Variants in ARHGEF2 observed in about 807,000 individuals in gnomAD.
ARHGEF2 encodes Rho/Rac guanine nucleotide exchange factor 2, also known as rho guanine nucleotide exchange factor 2.
In ARHGEF2, 22 loss-of-function variants were observed where a neutral mutation model predicts 121.0. The ratio of observed to expected loss-of-function variants is 0.18; its 90% CI spans 0.13 to 0.26. ARHGEF2 has a LOEUF of 0.26. Among genes scored for constraint, ARHGEF2 ranks in the 10% least tolerant of loss-of-function variants. The probability of loss-of-function intolerance (pLI) is 1.00; values close to 1 mark genes in which losing one functional copy is unlikely to be tolerated. For synonymous variants in ARHGEF2, 487 were observed against 530.0 expected (o/e 0.92, Z 1.11); for missense variants, 907 against 1,336.0 (o/e 0.68, Z 5.01).
chr1:155,954,809 C>A, intron 14 of ARHGEF2, 93 bp downstream of exon 14: 2 of 1,237,186 alleles, frequency 1.6e-6, no homozygotes, highest in South Asian at 2.7e-5. Context: ...CACCAGCCCT[C>A]ATAGAGCCAT....
intron 1 of ARHGEF2, among the ~76,000 whole-genome samples, chr1:155,976,320 CCA>C (rs1302971226): frequency 1.3e-5 from 2 of 151,808 alleles, no homozygotes; most frequent in African/African-American, 2.4e-5. Flanking sequence ...CCTTCTGTAA[CCA>C]CAGTTTTCCG....
At chr1:155,979,062 G>C (rs1681868800), upstream of ARHGEF2, 3 of 985,794 alleles carry the variant, frequency 3.0e-6, no homozygotes, top group Non-Finnish European at 3.6e-6. Flanking sequence ...GGGGTGGCCA[G>C]AGGGAGAGGA....
At chr1:155,964,019 C>A (rs1678536894) in intron 7 of ARHGEF2, among the ~76,000 whole-genome samples, 1 of 150,528 alleles carries the variant, frequency 6.6e-6, no homozygotes, top group South Asian at 2.1e-4. Context: ...GTTGTAGGCG[C>A]CTGTAATCCC....
At chr1:155,952,322 G>A in intron 15 of ARHGEF2, 87 bp from the exon 16 acceptor site, 4 of 1,561,584 alleles carry the variant, frequency 2.6e-6, no homozygotes, top group Middle Eastern at 2.3e-4. Flanking sequence ...GGACACTTGG[G>A]CATCTGGGGG....
rs1183998665 is a variant in ARHGEF2 at position 155,957,762 on chromosome 1, G to A, written c.1666C>T (p.Arg556Trp). 1 of 1,614,090 alleles carries A rather than the reference G, an allele frequency of 6.2e-7. No individual in the cohort carries two copies. Among genetic ancestry groups the A allele is most frequent in the Non-Finnish European group, 8.5e-7 (1 of 1,180,008 alleles). ...CGGATCCAGGTGCTCCGGTCATCCCGGGATGCTGTGTGCACCTCGTACATC... is the reference window on the plus strand; with the variant it reads ...CGGATCCAGGTGCTCCGGTCATCCCAGGATGCTGTGTGCACCTCGTACATC... ...PEMYEVHTAS[R>W]DDRSTWIRVI... The change falls in exon 13 of 22, where the codon CGG becomes TGG. Residue 556 changes from arginine (R) to tryptophan (W), a missense_variant. Around this residue, in one of 2 missense-constraint regions of ARHGEF2, gnomAD observed 475 missense variants for 776.5 expected, o/e 0.61. Transcript: ENST00000361247.
chr1:155,956,595 C>T (rs940590435), intron 13 of ARHGEF2, among the ~76,000 whole-genome samples: 7 of 151,430 alleles, frequency 4.6e-5, no homozygotes, highest in South Asian at 2.1e-4. Flanking sequence ...CTGAGGTGGG[C>T]GGATAAATCT....
rs968797037 is a variant in ARHGEF2 at position 155,965,747 on chromosome 1, C to A, written c.354G>T (p.Glu118Asp). ...VSLRSKTTIRERPSSAIYPSD... is the reference protein window; with the variant it reads ...VSLRSKTTIRDRPSSAIYPSD... ...AGGGGTAGATGGCCGAGCTTGGCCG[C>A]TCCCGGATGGTTGCTGTGGGGGAGA... Residue 118 changes from glutamate to aspartate, a missense_variant, in exon 5 of 22, where the codon GAG becomes GAT. By Grantham distance (45) the Glu-to-Asp change is conservative (BLOSUM62 2). Transcript: ENST00000361247. The surrounding 1 kb of genome is among the most constrained non-coding windows in gnomAD (Gnocchi z 6.0). 12 of 1,597,526 alleles carry A rather than the reference C, an allele frequency of 7.5e-6. No individual in the cohort carries two copies. The highest frequency in any genetic ancestry group is 1.0e-5 in the Non-Finnish European group (12 of 1,176,122).
At chr1:155,970,020 C>CT in intron 1 of ARHGEF2, 1 of 985,388 alleles carries the variant, frequency 1.0e-6, no homozygotes, top group Non-Finnish European at 1.2e-6. Context: ...ACTCTGGGAT[C>CT]TTTAAGTAAG....
chr1:155,951,858 C>T lies in ARHGEF2; in HGVS notation c.2172+61G>A, dbSNP rs1407784725. 7.4e-6 allele frequency: 12 copies of T among 1,612,468 alleles called. No homozygotes were observed. Among genetic ancestry groups the T allele is most frequent in the Middle Eastern group, 1.6e-4 (1 of 6,084 alleles). ...CCCTGACAGCTTTGTGTTGAGGATC[C>T]AGAGGCTGGCTGTCCCTCTCCCACC... On this transcript the variant is annotated intron_variant, in intron 17 of 21. Coordinates refer to ENST00000361247, the MANE Select transcript of ARHGEF2 (RefSeq NM_001162383.2). The surrounding 1 kb of genome is among the most constrained non-coding windows in gnomAD (Gnocchi z 5.1).
chr1:155,950,257 G>A lies in ARHGEF2; in HGVS notation c.2887+42C>T, dbSNP rs1453746817. ...CCACAGCCCAATGGCCTGTACCCAG[G>A]CTGCACTCTACCTCTGGTCCATGTC... On this transcript the variant is annotated intron_variant, in intron 21 of 21. Coordinates refer to ENST00000361247, the MANE Select transcript of ARHGEF2 (RefSeq NM_001162383.2). The surrounding 1 kb of genome is among the most constrained non-coding windows in gnomAD (Gnocchi z 5.2). The A allele has an allele frequency of 6.2e-7, 1 of 1,604,386 alleles. No homozygotes were observed. Among genetic ancestry groups the A allele is most frequent in the Non-Finnish European group, 8.5e-7 (1 of 1,177,980 alleles).
intron 3 of ARHGEF2, 96 bp downstream of exon 3, chr1:155,966,724 T>G: frequency 7.3e-7 from 1 of 1,363,076 alleles, no homozygotes; most frequent in Non-Finnish European, 1.0e-6. Context: ...AGGTGGGTGG[T>G]GAGAAACACA....
chr1:155,957,941 G>A, intron 12 of ARHGEF2, 59 bp from the exon 13 acceptor site: 1 of 1,548,132 alleles, frequency 6.5e-7, no homozygotes, highest in Non-Finnish European at 8.8e-7. Context: ...GGCATATTTA[G>A]GCCTTCAATC....
intron 1 of ARHGEF2, among the ~76,000 whole-genome samples, chr1:155,975,883 G>C (rs1224433668): frequency 6.6e-6 from 1 of 152,170 alleles, no homozygotes; most frequent in African/African-American, 2.4e-5. Context: ...AAGAGAGAAA[G>C]GGGACCTGTG....
Position 155,952,660 on chromosome 1 carries a change from C to A in ARHGEF2, c.1952G>T (p.Gly651Val). Residue 651 changes from glycine (G) to valine (V), a missense_variant, in exon 15 of 22, where the codon GGC becomes GTC. Physicochemically the swap from Gly to Val is moderately radical, Grantham distance 109. Coordinates refer to ENST00000361247, the MANE Select transcript of ARHGEF2 (RefSeq NM_001162383.2). ...FRSESLESPR[G>V]ERLLQDAIRE... ...GATGGCATCCTGCAGCAGCCGCTCG[C>A]CACGAGGGGACTCAAGGGACTCAGA... The A allele has an allele frequency of 6.2e-7, 1 of 1,613,574 alleles. No individual in the cohort carries two copies. The highest frequency in any genetic ancestry group is 8.5e-7 in the Non-Finnish European group (1 of 1,179,500).
At position 155,961,704 on chromosome 1, in the gene ARHGEF2, G is replaced by A. The variant is rs750694300; in HGVS notation, c.1425C>T (p.His475=). 5.6e-6 allele frequency: 9 copies of A among 1,613,812 alleles called. No homozygotes were observed. In the East Asian group the frequency reaches 6.7e-5, roughly 12 times the overall value. ...CTGTCTTCCAGAGCAGGCAGCCATC[G>A]TGGATGAGTTTGCGCCTCAGAAGTT... The part of the protein sequence containing the change: ...REELLRRKLI[H]DGCLLWKTAT... Residue 475 remains histidine (H), a synonymous_variant, in exon 11 of 22, where the codon CAC becomes CAT. Coordinates refer to ENST00000361247, the MANE Select transcript of ARHGEF2 (RefSeq NM_001162383.2). This position sits in a 1 kb window ranked among gnomAD's most constrained non-coding sequence, Gnocchi z 4.7.
At position 155,964,182 on chromosome 1, in the gene ARHGEF2, A is replaced by ATG. The variant is rs1553245021; in HGVS notation, c.724+805_724+806insCA. Among the ~76,000 whole-genome samples the ATG allele has an allele frequency of 1.8e-3, 218 of 118,448 alleles. 2 individuals carry two copies. Among genetic ancestry groups the ATG allele is most frequent in the African/African-American group, 4.5e-3 (129 of 28,914 alleles). The allele number at this position is 118,448 out of a possible 152,430, so 77.7% of individuals were successfully genotyped here. A position where few individuals can be genotyped will look rare whatever the true frequency, so the allele number is the denominator to read the frequency against. ...AAAAAAAAAAAATATATATATATAT[A>ATG]TATATATATATATATACATATATAT... On this transcript the variant is annotated intron_variant, in intron 7 of 21. Transcript: ENST00000361247.
intron 14 of ARHGEF2, among the ~76,000 whole-genome samples, chr1:155,954,071 C>T (rs1047326998): frequency 6.6e-6 from 1 of 150,970 alleles, no homozygotes; most frequent in African/African-American, 2.4e-5. Flanking sequence ...AAACAATCCG[C>T]CCACCTCAGC....
Position 155,947,885 on chromosome 1 carries a change from G to A in ARHGEF2, c.*57C>T. 1 of 1,106,008 alleles carries A rather than the reference G, an allele frequency of 9.0e-7. No individual in the cohort carries two copies. The highest frequency in any genetic ancestry group is 2.6e-5 in the East Asian group (1 of 38,118). The allele number at this position is 1,106,008 out of a possible 1,614,324, so 68.5% of individuals were successfully genotyped here. A position where few individuals can be genotyped will look rare whatever the true frequency, so the allele number is the denominator to read the frequency against. On this transcript the variant is annotated 3_prime_UTR_variant, in exon 22 of 22. Coordinates refer to ENST00000361247, the MANE Select transcript of ARHGEF2 (RefSeq NM_001162383.2). ...TCATTGGCAAATTGGAGTCCCCAAG[G>A]TTAGCCCCCTCAGTAATGTTCTTCA... is the stretch of plus-strand genomic sequence containing the variant.
intron 1 of ARHGEF2, among the ~76,000 whole-genome samples, chr1:155,977,451 C>G (rs779595984): frequency 2.6e-4 from 39 of 151,836 alleles, no homozygotes; most frequent in Non-Finnish European, 3.8e-4. Context: ...AATTATACAC[C>G]CAGACTCATG....
Sources: allele counts gnomAD v4.1 joint callset (sites outside exome capture counted in the v4.1 genomes callset), GRCh38; gene constraint gnomAD v4.1.1; regional missense constraint gnomAD v4.1.1; non-coding constraint Gnocchi (gnomAD v3.1); transcripts MANE v1.5; gene names NCBI Gene and HGNC (gene_info 2026-07-23, HGNC 2026-07-21).